PIK3R3: variants seen among roughly 807,000 people sequenced by gnomAD.
The protein encoded by PIK3R3 is phosphoinositide-3-kinase regulatory subunit 3, also known as phosphatidylinositol 3-kinase regulatory subunit gamma.
PIK3R3 carries 64 observed loss-of-function variants against 62.9 expected under a neutral mutation model. The observed-to-expected ratio is 1.02, with a 90% CI of 0.83 to 1.25. The LOEUF is 1.25. Ranked by LOEUF, PIK3R3 falls within the 50% of genes most tolerant of loss-of-function variation. PIK3R3 has a pLI of 0.00. For synonymous variants in PIK3R3, 165 were observed against 189.0 expected (o/e 0.87, Z 1.04); for missense variants, 614 against 561.6 (o/e 1.09, Z -0.94).
rs1275221064 is a variant in PIK3R3 at position 46,043,865 on chromosome 1, A to G, written c.1194T>C (p.Asp398=). 6.2e-7 allele frequency: 1 copy of G among 1,613,072 alleles called. No individual in the cohort carries two copies. The highest frequency in any genetic ancestry group is 1.1e-5 in the South Asian group (1 of 90,942). ...AGATCACACAGTGCTTCACTTCCCCATCGGCCCTGCAATGACAAACCACAG... is the reference window on the plus strand; with the variant it reads ...AGATCACACAGTGCTTCACTTCCCCGTCGGCCCTGCAATGACAAACCACAG... ...KGCYACSVVA[D]GEVKHCVIYS... The change falls in exon 10 of 10, where the codon GAT becomes GAC. Residue 398 remains aspartate, a synonymous_variant. Transcript: ENST00000262741.
upstream of PIK3R3, among the ~76,000 whole-genome samples, chr1:46,135,088 G>A (rs1443144456): frequency 1.3e-5 from 2 of 152,208 alleles, no homozygotes; most frequent in African/African-American, 4.8e-5. Context: ...TGCCATGGGG[G>A]AAAGCACCTG....
intron 1 of PIK3R3, among the ~76,000 whole-genome samples, chr1:46,128,263 C>T (rs1311873345): frequency 6.6e-6 from 1 of 152,014 alleles, no homozygotes; most frequent in African/African-American, 2.4e-5. Flanking sequence ...GGCAAAACCC[C>T]ATTTCTACTA....
chr1:46,156,733 T>C, the PIK3R3 span, among the ~76,000 whole-genome samples: 1 of 152,136 alleles, frequency 6.6e-6, no homozygotes, highest in Non-Finnish European at 1.5e-5. Context: ...TTCTGTCCAT[T>C]AGCTGTCCAA....
chr1:46,132,029 T>C lies in PIK3R3; in HGVS notation c.-77A>G, dbSNP rs979303333. 3 of 1,557,674 alleles carry C rather than the reference T, an allele frequency of 1.9e-6. No homozygotes were observed. In the African/African-American group the frequency reaches 4.2e-5, roughly 22 times the overall value. On this transcript the variant is annotated 5_prime_UTR_variant, in exon 1 of 10. In the 5' UTR this introduces an upstream ATG that the reference lacks. Coordinates refer to ENST00000262741, the MANE Select transcript of PIK3R3 (RefSeq NM_003629.4). The stretch of plus-strand genomic sequence containing the variant: ...TATCTGGTATTTAAAAATCTAAAAA[T>C]ATATATCTGCAAAAGTTCCACACGG...
chr1:46,151,361 A>G, the PIK3R3 span, among the ~76,000 whole-genome samples: 1 of 152,082 alleles, frequency 6.6e-6, no homozygotes, highest in Non-Finnish European at 1.5e-5. Context: ...TGGTGCTTTT[A>G]TGGCTGCCCC....
intron 1 of PIK3R3, among the ~76,000 whole-genome samples, chr1:46,105,729 G>A (rs1219580343): frequency 6.7e-6 from 1 of 149,424 alleles, no homozygotes; most frequent in African/African-American, 2.5e-5. Flanking sequence ...GCTGAGGCAT[G>A]AGAATCGCTT....
chr1:46,043,530 G>A lies in PIK3R3; in HGVS notation c.*143C>T. Reference sequence around the variant, plus strand: ...TCTAATGCCCCCATCCCGGCCGGCTGCTGCTCGGCCTCTCCACTTCACATT... The same window carrying A: ...TCTAATGCCCCCATCCCGGCCGGCTACTGCTCGGCCTCTCCACTTCACATT... On this transcript the variant is annotated 3_prime_UTR_variant, in exon 10 of 10. Coordinates refer to ENST00000262741, the MANE Select transcript of PIK3R3 (RefSeq NM_003629.4). 1 of 710,792 alleles carries A rather than the reference G, an allele frequency of 1.4e-6. No homozygotes were observed. The highest frequency in any genetic ancestry group is 2.4e-6 in the Non-Finnish European group (1 of 425,036). The allele number at this position is 710,792 out of a possible 1,614,324, so 44.0% of individuals were successfully genotyped here. A position where few individuals can be genotyped will look rare whatever the true frequency, so the allele number is the denominator to read the frequency against.
chr1:46,075,527 T>C (rs1649988423), intron 3 of PIK3R3, among the ~76,000 whole-genome samples: 2 of 151,416 alleles, frequency 1.3e-5, no homozygotes, highest in South Asian at 4.2e-4. Flanking sequence ...GAGGCTGAGG[T>C]AGGAGGATCA....
chr1:46,165,493 C>T, the PIK3R3 span, among the ~76,000 whole-genome samples: 1 of 151,264 alleles, frequency 6.6e-6, no homozygotes, highest in African/African-American at 2.4e-5. Flanking sequence ...TTAGTAGAGA[C>T]GGGGTTTACT....
At chr1:46,067,527 A>C (rs1301867746) in intron 3 of PIK3R3, among the ~76,000 whole-genome samples, 1 of 151,594 alleles carries the variant, frequency 6.6e-6, no homozygotes, top group Non-Finnish European at 1.5e-5. Flanking sequence ...CTGTGGGGGG[A>C]GCAGAAGCCA....
chr1:46,131,533 G>C lies in PIK3R3; in HGVS notation c.106+314C>G, dbSNP rs75339707. Among the ~76,000 whole-genome samples, 1,000 of 152,206 alleles carry C rather than the reference G, an allele frequency of 6.6e-3. 10 individuals carry two copies. The highest frequency in any genetic ancestry group is 0.023 in the African/African-American group (964 of 41,514). On this transcript the variant is annotated intron_variant, in intron 1 of 9. Transcript: ENST00000262741. ...TTGAAAAAGAAAAAAATAAAATAAAGTGGCGGGCACAAGAAAAACCTGAAC... is the reference window on the plus strand; with the variant it reads ...TTGAAAAAGAAAAAAATAAAATAAACTGGCGGGCACAAGAAAAACCTGAAC...
At chr1:46,046,908 C>A (rs1309493876) in intron 7 of PIK3R3, 1 of 506,656 alleles carries the variant, frequency 2.0e-6, no homozygotes, top group Non-Finnish European at 3.5e-6. Context: ...CCACCACAAG[C>A]ACACACATAC....
intron 1 of PIK3R3, chr1:46,104,807 C>T (rs1230571851): frequency 5.3e-6 from 2 of 375,174 alleles, no homozygotes; most frequent in East Asian, 1.0e-4. Context: ...TGGCAAGCGC[C>T]TGTAATCCCA....
chr1:46,163,122 T>C, the PIK3R3 span, among the ~76,000 whole-genome samples: 2 of 152,242 alleles, frequency 1.3e-5, no homozygotes, highest in African/African-American at 4.8e-5. Context: ...AAATGCTTGA[T>C]GGATGACAGA....
rs1647013871 is a variant in PIK3R3 at position 46,042,439 on chromosome 1, A to G, written c.*1234T>C. 2 of 225,596 alleles carry G rather than the reference A, an allele frequency of 8.9e-6. No homozygotes were observed. Among genetic ancestry groups the G allele is most frequent in the South Asian group, 3.7e-4 (2 of 5,452 alleles). The allele number at this position is 225,596 out of a possible 1,614,324, so 14.0% of individuals were successfully genotyped here. On this transcript the variant is annotated 3_prime_UTR_variant, in exon 10 of 10. Coordinates refer to ENST00000262741, the MANE Select transcript of PIK3R3 (RefSeq NM_003629.4). This position sits in a 1 kb window ranked among gnomAD's most constrained non-coding sequence, Gnocchi z 4.3. ...TTCAGAAACCACTGTATGGAAGCAC[A>G]TGTGTAATGTGGTGTGACTCTCACC...
the PIK3R3 span, among the ~76,000 whole-genome samples, chr1:46,151,735 CAG>C: frequency 6.6e-6 from 1 of 152,188 alleles, no homozygotes; most frequent in Admixed American, 6.5e-5. Context: ...TTTAGGGACT[CAG>C]AGGTGTCCAT....
At position 46,132,030 on chromosome 1, in the gene PIK3R3, A is replaced by G; in HGVS notation, c.-78T>C. The G allele has an allele frequency of 8.4e-6, 13 of 1,553,706 alleles. No homozygotes were observed. The highest frequency in any genetic ancestry group is 1.1e-5 in the Non-Finnish European group (13 of 1,151,856). On this transcript the variant is annotated 5_prime_UTR_variant, in exon 1 of 10. Transcript: ENST00000262741. Reference sequence around the variant, plus strand: ...ATCTGGTATTTAAAAATCTAAAAATATATATCTGCAAAAGTTCCACACGGA... The same window carrying G: ...ATCTGGTATTTAAAAATCTAAAAATGTATATCTGCAAAAGTTCCACACGGA...
intron 1 of PIK3R3, among the ~76,000 whole-genome samples, chr1:46,095,768 A>G (rs1184779268): frequency 6.6e-6 from 1 of 152,198 alleles, no homozygotes; most frequent in East Asian, 1.9e-4. Context: ...TTCTCCCTCT[A>G]TATCTCTTTC....
At chr1:46,128,809 G>C (rs976019020) in intron 1 of PIK3R3, among the ~76,000 whole-genome samples, 9 of 152,088 alleles carry the variant, frequency 5.9e-5, no homozygotes, top group African/African-American at 2.2e-4. Flanking sequence ...GGCCAGGCGC[G>C]GGGTCTCACG....
Sources: gnomAD v4.1 joint callset for allele counts (sites outside exome capture counted in the v4.1 genomes callset) on GRCh38, gnomAD v4.1.1 for gene constraint, Gnocchi (gnomAD v3.1) non-coding constraint, MANE v1.5 for transcripts, NCBI Gene and HGNC (gene_info 2026-07-23, HGNC 2026-07-21) for gene names.